GAS7: variants seen among roughly 807,000 people sequenced by gnomAD.
GAS7 encodes growth arrest-specific protein 7.
In GAS7, 28 loss-of-function variants were observed where a neutral mutation model predicts 71.1. The observed-to-expected ratio is 0.39, with a 90% CI of 0.29 to 0.54. GAS7 has a LOEUF of 0.54. Ranked by LOEUF, GAS7 falls within the 20% of genes least tolerant of loss-of-function variation. The probability of loss-of-function intolerance (pLI) is 0.62; values close to 1 mark genes in which losing one functional copy is unlikely to be tolerated. For missense variants in GAS7, 436 were observed against 627.8 expected (o/e 0.69, Z 3.27); for synonymous variants, 258 against 245.8 (o/e 1.05, Z -0.46).
chr17:10,056,665 A>C (rs772434010), intron 1 of GAS7, among the ~76,000 whole-genome samples: 75 of 152,144 alleles, frequency 4.9e-4, no homozygotes, highest in Middle Eastern at 3.4e-3. Flanking sequence ...AGGTCAGGAG[A>C]TCGAGACCAT....
intron 1 of GAS7, among the ~76,000 whole-genome samples, chr17:10,165,462 G>C (rs1002315043): frequency 6.6e-6 from 1 of 152,108 alleles, no homozygotes; most frequent in African/African-American, 2.4e-5. Context: ...GCACCAGCTT[G>C]GTGCCCTCAT....
intron 1 of GAS7, among the ~76,000 whole-genome samples, chr17:10,197,051 CT>C (rs1303724183): frequency 6.6e-6 from 1 of 152,178 alleles, no homozygotes; most frequent in African/African-American, 2.4e-5. Flanking sequence ...TTTTGTTGTT[CT>C]CTGGACCTGA....
intron 1 of GAS7, among the ~76,000 whole-genome samples, chr17:10,022,752 T>C (rs1398388847): frequency 1.3e-5 from 2 of 152,244 alleles, no homozygotes; most frequent in Admixed American, 6.5e-5. Context: ...TCTACGGCGA[T>C]ACGGACCTCC....
At position 9,969,607 on chromosome 17, in the gene GAS7, A is replaced by G. The variant is rs2069870458; in HGVS notation, c.471+70T>C. The G allele has an allele frequency of 7.5e-6, 7 of 931,946 alleles. No homozygotes were observed. The highest frequency in any genetic ancestry group is 1.3e-5 in the South Asian group (1 of 74,186). The allele number at this position is 931,946 out of a possible 1,614,324, so 57.7% of individuals were successfully genotyped here. A position where few individuals can be genotyped will look rare whatever the true frequency, so the allele number is the denominator to read the frequency against. The stretch of plus-strand genomic sequence containing the variant: ...GCAGCCACCTGGACTCCCATGATGG[A>G]CTTTGTAATGCAGTTTCCTAGGCCT... On this transcript the variant is annotated intron_variant, in intron 4 of 13. Transcript: ENST00000432992. The surrounding 1 kb of genome is among the most constrained non-coding windows in gnomAD (Gnocchi z 5.5).
intron 1 of GAS7, among the ~76,000 whole-genome samples, chr17:10,102,751 GT>G (rs142011191): frequency 0.23 from 33,233 of 144,498 alleles, 3,849 homozygotes; most frequent in Non-Finnish European, 0.26. Flanking sequence ...CCCAGGCCCT[GT>G]TTTTTTTTTT....
chr17:9,997,631 G>C (rs1304096373), intron 2 of GAS7, among the ~76,000 whole-genome samples: 2 of 152,146 alleles, frequency 1.3e-5, no homozygotes, highest in African/African-American at 2.4e-5. Flanking sequence ...GATAGCATCA[G>C]ATCCCACAGG....
intron 1 of GAS7, among the ~76,000 whole-genome samples, chr17:10,083,372 C>G (rs1057471239): frequency 6.6e-6 from 1 of 152,102 alleles, no homozygotes; most frequent in African/African-American, 2.4e-5. Context: ...ACTAAAAATA[C>G]AAAAATTAGT....
intron 1 of GAS7, among the ~76,000 whole-genome samples, chr17:10,146,859 C>T (rs575166363): frequency 6.6e-6 from 1 of 151,980 alleles, no homozygotes; most frequent in Admixed American, 6.6e-5. Context: ...TGGCGGGTGC[C>T]TGTAGTCCCA....
chr17:9,924,939 T>C (rs1300538608), intron 11 of GAS7, among the ~76,000 whole-genome samples: 3 of 152,218 alleles, frequency 2.0e-5, no homozygotes, highest in African/African-American at 7.2e-5. Context: ...AACCAACTCA[T>C]TGGGAGACTA....
Position 9,974,931 on chromosome 17 carries a change from C to G in GAS7, c.386-5169G>C, listed in dbSNP as rs1032625735. Among the ~76,000 whole-genome samples the G allele has an allele frequency of 6.6e-6, 1 of 152,236 alleles. No homozygotes were observed. Among genetic ancestry groups the G allele is most frequent in the African/African-American group, 2.4e-5 (1 of 41,458 alleles). ...TCCTCAGAGCCCTACTCTCCAGGTT[C>G]CTGTTCCCTGAGGAACCCAAAAGAA... On this transcript the variant is annotated intron_variant, in intron 3 of 13. Transcript: ENST00000432992. The surrounding 1 kb of genome is among the most constrained non-coding windows in gnomAD (Gnocchi z 4.0).
At chr17:10,022,698 C>T (rs967448395) in intron 1 of GAS7, among the ~76,000 whole-genome samples, 2 of 152,334 alleles carry the variant, frequency 1.3e-5, no homozygotes, top group African/African-American at 2.4e-5. Flanking sequence ...CTGAGGGATG[C>T]GCAATGAATG....
In GAS7 at chr17:9,917,345, C is replaced by T; in HGVS notation, c.1318-4G>A. On this transcript the variant is annotated splice_polypyrimidine_tract_variant and splice_region_variant and intron_variant, in intron 13 of 13. Coordinates refer to ENST00000432992, the MANE Select transcript of GAS7 (RefSeq NM_201433.2). ...GCTGATCCACGGGCTCGACTGTCTGCAAGAGACAGAGAAAATGCGACACTG... is the reference window on the plus strand; with the variant it reads ...GCTGATCCACGGGCTCGACTGTCTGTAAGAGACAGAGAAAATGCGACACTG... 1.2e-6 allele frequency: 2 copies of T among 1,603,252 alleles called. No homozygotes were observed. Among genetic ancestry groups the T allele is most frequent in the Non-Finnish European group, 1.7e-6 (2 of 1,170,034 alleles).
At chr17:9,941,975 T>G (rs75415487) in intron 7 of GAS7, among the ~76,000 whole-genome samples, 16,028 of 152,248 alleles carry the variant, frequency 0.11, 1,956 homozygotes, top group African/African-American at 0.3. Flanking sequence ...ATTTTTGGTC[T>G]GGCACAGTGG....
chr17:10,168,967 CT>C (rs2142128722), intron 1 of GAS7, among the ~76,000 whole-genome samples: 1 of 114,634 alleles, frequency 8.7e-6, no homozygotes, highest in Non-Finnish European at 1.7e-5. Context: ...GAGACTCCAT[CT>C]CAAAAAAAAA....
chr17:9,969,756 C>G lies in GAS7; in HGVS notation c.392G>C (p.Gly131Ala). The change falls in exon 4 of 14, where the codon GGA becomes GCA. Residue 131 changes from glycine to alanine, a missense_variant. Coordinates refer to ENST00000432992, the MANE Select transcript of GAS7 (RefSeq NM_201433.2). This position sits in a 1 kb window ranked among gnomAD's most constrained non-coding sequence, Gnocchi z 5.5. ...CGCTGGGGTCCCTGATGCGTGGTATCCATTCACTGCAGGGACAGAGACACG... is the reference window on the plus strand; with the variant it reads ...CGCTGGGGTCCCTGATGCGTGGTATGCATTCACTGCAGGGACAGAGACACG... ...HRSSLPPTVN[G>A]YHASGTPAHP... 1 of 1,605,698 alleles carries G rather than the reference C, an allele frequency of 6.2e-7. No individual in the cohort carries two copies.
intron 6 of GAS7, among the ~76,000 whole-genome samples, chr17:9,946,462 T>C (rs1401973383): frequency 6.6e-6 from 1 of 152,184 alleles, no homozygotes; most frequent in African/African-American, 2.4e-5. Context: ...AAGCTGGAGC[T>C]CTCTGAAGAT....
chr17:10,170,007 G>A (rs2904911), intron 1 of GAS7, among the ~76,000 whole-genome samples: 112,447 of 151,982 alleles, frequency 0.74, 42,108 homozygotes, highest in African/African-American at 0.85. Context: ...AACCTTATAC[G>A]TGCAACCCAT....
chr17:10,132,847 G>A (rs2074007734), intron 1 of GAS7, among the ~76,000 whole-genome samples: 1 of 151,958 alleles, frequency 6.6e-6, no homozygotes, highest in Admixed American at 6.6e-5. Flanking sequence ...ATAACATGTA[G>A]CAACATTTAA....
Position 10,034,710 on chromosome 17 carries a change from T to C in GAS7, c.184-14813A>G, listed in dbSNP as rs887605957. On this transcript the variant is annotated intron_variant, in intron 1 of 13. Coordinates refer to ENST00000432992, the MANE Select transcript of GAS7 (RefSeq NM_201433.2). This position sits in a 1 kb window ranked among gnomAD's most constrained non-coding sequence, Gnocchi z 4.4. Reference sequence around the variant, plus strand: ...CAAGTGTAGACATGGGCATCATGTCTAGGAGGCATCTGACTGTTCCTGAAA... The same window carrying C: ...CAAGTGTAGACATGGGCATCATGTCCAGGAGGCATCTGACTGTTCCTGAAA... Among the ~76,000 whole-genome samples, 6 of 152,368 alleles carry C rather than the reference T, an allele frequency of 3.9e-5. No individual in the cohort carries two copies. In the East Asian group the frequency reaches 1.2e-3, roughly 29 times the overall value.
Sources: gnomAD v4.1 joint callset for allele counts (sites outside exome capture counted in the v4.1 genomes callset) on GRCh38, gnomAD v4.1.1 for gene constraint, Gnocchi (gnomAD v3.1) non-coding constraint, MANE v1.5 for transcripts, NCBI Gene and HGNC (gene_info 2026-07-23, HGNC 2026-07-21) for gene names.